Variants in TNRC6C observed in about 807,000 individuals in gnomAD.
TNRC6C encodes trinucleotide repeat-containing gene 6C protein.
In TNRC6C, 20 loss-of-function variants were observed where a neutral mutation model predicts 153.7. That is an observed-to-expected ratio of 0.13 (90% CI 0.09 to 0.19). TNRC6C has a LOEUF of 0.19. Ranked by LOEUF, TNRC6C falls within the 10% of genes least tolerant of loss-of-function variation. The pLI, the probability that TNRC6C is intolerant of heterozygous loss-of-function variation, is 1.00. For synonymous variants in TNRC6C, 811 were observed against 841.4 expected, an observed-to-expected ratio of 0.96 and a Z score of 0.63; for missense variants, 1,987 against 2,172.0, an observed-to-expected ratio of 0.91 and a Z score of 1.69.
At chr17:78,095,539 G>GTA in intron 16 of TNRC6C, among the ~76,000 whole-genome samples, 1 of 152,208 alleles carries the variant, frequency 6.6e-6, no homozygotes, top group Non-Finnish European at 1.5e-5. Flanking sequence ...TCTTGAGCCT[G>GTA]CCCTGGCACT....
exon 20 of TNRC6C, chr17:78,106,556 GAA>G (rs958743218): frequency 2.1e-4 from 29 of 136,488 alleles, no homozygotes; most frequent in Non-Finnish European, 8.0e-5. Context: ...ACAAAAAAAT[GAA>G]AAAAAAGAAA....
At chr17:77,959,054 T>C (rs2070837435), upstream of TNRC6C, among the ~76,000 whole-genome samples, 1 of 137,434 alleles carries the variant, frequency 7.3e-6, no homozygotes, top group South Asian at 2.3e-4. Context: ...GACCTGGACC[T>C]GCCGGGACGC....
intron 2 of TNRC6C, among the ~76,000 whole-genome samples, 196 bp downstream of exon 4, chr17:78,032,038 G>T (rs2072085977): frequency 6.6e-6 from 1 of 152,120 alleles, no homozygotes; most frequent in Non-Finnish European, 1.5e-5. Flanking sequence ...TATTGGTCAT[G>T]AGTTTGCAGA....
At chr17:78,103,474 C>T in exon 19 of TNRC6C, 1 of 1,614,024 alleles carries the variant, frequency 6.2e-7, no homozygotes, top group Non-Finnish European at 8.5e-7. Flanking sequence ...CACATTCCAC[C>T]TGAATCTGAC....
chr17:78,040,001 A>G (rs2072261590), intron 2 of TNRC6C, among the ~76,000 whole-genome samples: 1 of 152,206 alleles, frequency 6.6e-6, no homozygotes, highest in South Asian at 2.1e-4. Context: ...CCAATGGTGG[A>G]AGGGCTTCTG....
intron 1 of TNRC6C, among the ~76,000 whole-genome samples, chr17:77,995,368 TCTC>T (rs559895243): frequency 8.6e-4 from 131 of 152,266 alleles, no homozygotes; most frequent in African/African-American, 3.1e-3. Flanking sequence ...GCAGAACTCT[TCTC>T]CTGCTATGTC....
upstream of TNRC6C, chr17:78,004,395 G>A: frequency 1.9e-6 from 2 of 1,070,674 alleles, no homozygotes; most frequent in Non-Finnish European, 2.4e-6. Context: ...TCTATAATTA[G>A]CGAATAATAG....
intron 3 of TNRC6C, among the ~76,000 whole-genome samples, chr17:78,063,708 G>T (rs1199956054): frequency 6.6e-6 from 1 of 152,150 alleles, no homozygotes; most frequent in African/African-American, 2.4e-5. Flanking sequence ...CATAGAAACT[G>T]TCTGCATTTT....
intron 3 of TNRC6C, among the ~76,000 whole-genome samples, chr17:78,063,504 A>G (rs2072811320): frequency 6.6e-6 from 1 of 152,018 alleles, no homozygotes; most frequent in African/African-American, 2.4e-5. Context: ...CTGTGATTCT[A>G]TATGCATCTC....
chr17:78,044,406 C>G (rs146479476), intron 2 of TNRC6C, among the ~76,000 whole-genome samples: 249 of 152,348 alleles, frequency 1.6e-3, no homozygotes, highest in African/African-American at 5.7e-3. Flanking sequence ...CTGTCAGATA[C>G]TCTGCTGAAC....
chr17:78,069,688 C>G (rs976106097), intron 5 of TNRC6C, among the ~76,000 whole-genome samples: 11 of 152,156 alleles, frequency 7.2e-5, no homozygotes, highest in African/African-American at 2.7e-4. Flanking sequence ...AATTATGTCA[C>G]TTCTACATTA....
In TNRC6C at chr17:78,049,922, C is replaced by T. The variant is rs780705898; in HGVS notation, c.860C>T (p.Ala287Val). The T allele has an allele frequency of 1.7e-5, 27 of 1,613,946 alleles. No individual in the cohort carries two copies. The highest frequency in any genetic ancestry group is 2.1e-5 in the Non-Finnish European group (25 of 1,179,898). ...GCTAAACAAAATGGATCCAGCAGTG[C>T]TGTGCAAAAGGAAGGAAGTGGAGGA... The change falls in exon 3 of 20, where the codon GCT becomes GTT. Residue 287 changes from alanine (A) to valine (V), a missense_variant. This residue lies in a region of TNRC6C where 1,052 missense variants were observed against 1,017.0 expected (regional missense o/e 1.03). Transcript: ENST00000301624. This position sits in a 1 kb window ranked among gnomAD's most constrained non-coding sequence, Gnocchi z 4.1.
rs200501711 is a variant in TNRC6C at position 78,075,325 on chromosome 17, G to A, written c.3060+47G>A. 7.2e-5 allele frequency: 111 copies of A among 1,541,292 alleles called. No individual in the cohort carries two copies. Among genetic ancestry groups the A allele is most frequent in the Non-Finnish European group, 8.7e-5 (99 of 1,138,724 alleles). On this transcript the variant is annotated intron_variant, in intron 8 of 19. Coordinates refer to ENST00000301624, the Ensembl canonical transcript of TNRC6C. The surrounding 1 kb of genome is among the most constrained non-coding windows in gnomAD (Gnocchi z 4.2). The stretch of plus-strand genomic sequence containing the variant: ...TGTTTTTGCTTTTTTAACAAGAGGA[G>A]TTTTTCATTTCAACTGTGTCCTTAA...
chr17:78,084,302 A>G (rs2073236866), intron 11 of TNRC6C, among the ~76,000 whole-genome samples: 2 of 149,614 alleles, frequency 1.3e-5, no homozygotes, highest in Non-Finnish European at 3.0e-5. Flanking sequence ...AAAGAAAATC[A>G]TGACCAGGAA....
At chr17:78,000,626 C>CACACA (rs963425740), upstream of TNRC6C, among the ~76,000 whole-genome samples, 1 of 65,020 alleles carries the variant, frequency 1.5e-5, no homozygotes, top group Non-Finnish European at 3.5e-5. Flanking sequence ...CCGCCCCCCC[C>CACACA]CCCCCACACA....
chr17:78,077,402 A>T, intron 9 of TNRC6C, 68 bp downstream of exon 11: 2 of 1,532,848 alleles, frequency 1.3e-6, no homozygotes, highest in Non-Finnish European at 8.8e-7. Context: ...TGTGTTTGAG[A>T]CATAAACTTA....
chr17:78,031,832 G>A, exon 2 of TNRC6C: 4 of 1,232,194 alleles, frequency 3.2e-6, no homozygotes, highest in South Asian at 4.1e-5. Flanking sequence ...ATCCCAGTAA[G>A]CTCCAACCAG....
chr17:78,094,588 A>C (rs1249243606), intron 16 of TNRC6C, among the ~76,000 whole-genome samples: 1 of 151,646 alleles, frequency 6.6e-6, no homozygotes, highest in Non-Finnish European at 1.5e-5. Flanking sequence ...ACAGGCGTGC[A>C]CCACCACACC....
intron 1 of TNRC6C, among the ~76,000 whole-genome samples, chr17:77,998,485 T>G (rs1235798260): frequency 6.6e-6 from 1 of 152,214 alleles, no homozygotes; most frequent in Admixed American, 6.5e-5. Context: ...TCTTTTAGTA[T>G]TATCCTTCAG....
Sources: allele counts gnomAD v4.1 joint callset (sites outside exome capture counted in the v4.1 genomes callset), GRCh38; gene constraint gnomAD v4.1.1; regional missense constraint gnomAD v4.1.1; non-coding constraint Gnocchi (gnomAD v3.1); transcripts MANE v1.5; gene names NCBI Gene and HGNC (gene_info 2026-07-23, HGNC 2026-07-21).